PTGER3: variants seen among roughly 807,000 people sequenced by gnomAD.
PTGER3 encodes the protein prostaglandin E2 receptor EP3 subtype.
PTGER3 carries 22 observed loss-of-function variants against 34.7 expected under a neutral mutation model. That is an observed-to-expected ratio of 0.63 (90% confidence interval 0.45 to 0.91). The LOEUF is 0.91. Among genes scored for constraint, PTGER3 ranks in the 40% least tolerant of loss-of-function variants. The pLI, the probability that PTGER3 is intolerant of heterozygous loss-of-function variation, is 0.00. For synonymous variants in PTGER3, 241 were observed against 230.1 expected, an observed-to-expected ratio of 1.05 and a Z score of -0.43; for missense variants, 468 against 519.4, an observed-to-expected ratio of 0.90 and a Z score of 0.96.
chr1:71,023,817 C>T (rs1283174036), intron 1 of PTGER3, among the ~76,000 whole-genome samples: 1 of 151,482 alleles, frequency 6.6e-6, no homozygotes, highest in Non-Finnish European at 1.5e-5. Flanking sequence ...CTCCAACTAA[C>T]CTCTTATGGT....
rs1374232086 is a variant in PTGER3 at position 70,891,097 on chromosome 1, T to G, written c.*24-38238A>C. Among the ~76,000 whole-genome samples, 6 of 152,324 alleles carry G rather than the reference T, an allele frequency of 3.9e-5. No individual in the cohort carries two copies. In the East Asian group the frequency reaches 1.2e-3, roughly 29 times the overall value. Reference sequence around the variant, plus strand: ...TCACTCACTACCTGGCTGTATTAAGTGGCACTCCTTTGGATTTCAACTATA... The same window carrying G: ...TCACTCACTACCTGGCTGTATTAAGGGGCACTCCTTTGGATTTCAACTATA... On this transcript the variant is annotated intron_variant, in intron 4 of 4. Transcript: ENST00000370931.
intron 2 of PTGER3, among the ~76,000 whole-genome samples, chr1:70,956,728 G>C (rs1651374844): frequency 6.6e-6 from 1 of 152,160 alleles, no homozygotes; most frequent in Non-Finnish European, 1.5e-5. Context: ...AATATAGGCT[G>C]TGTGGTGGCT....
chr1:71,022,424 A>G (rs1025617904), intron 1 of PTGER3, among the ~76,000 whole-genome samples: 2 of 151,992 alleles, frequency 1.3e-5, no homozygotes, highest in Non-Finnish European at 2.9e-5. Flanking sequence ...CAATACAGAC[A>G]TGACATACAA....
At chr1:71,031,971 C>T (rs1262059753) in intron 1 of PTGER3, among the ~76,000 whole-genome samples, 2 of 152,128 alleles carry the variant, frequency 1.3e-5, no homozygotes, top group African/African-American at 4.8e-5. Flanking sequence ...AAGAAATTTG[C>T]TTTTGGATCC....
At chr1:70,936,211 T>C (rs12066813) in intron 4 of PTGER3, among the ~76,000 whole-genome samples, 44,083 of 151,970 alleles carry the variant, frequency 0.29, 7,375 homozygotes, top group African/African-American at 0.46. Context: ...CCTTGGGCTC[T>C]GGGCTAGGAT....
chr1:70,937,405 G>C (rs1649327083), intron 4 of PTGER3, among the ~76,000 whole-genome samples: 1 of 152,178 alleles, frequency 6.6e-6, no homozygotes. Flanking sequence ...TGTCCAGCCA[G>C]CTGTTGGATG....
intron 2 of PTGER3, chr1:71,007,311 A>C (rs1158793005): frequency 2.0e-6 from 2 of 985,690 alleles, no homozygotes; most frequent in Non-Finnish European, 2.4e-6. Context: ...ACAGGCTTAC[A>C]CTATTTGTAC....
chr1:70,940,217 C>A (rs192959157), intron 4 of PTGER3, among the ~76,000 whole-genome samples: 2 of 152,178 alleles, frequency 1.3e-5, no homozygotes, highest in South Asian at 2.1e-4. Flanking sequence ...TTCCCAACAA[C>A]TTCCTCACCT....
chr1:70,988,334 T>G (rs1655115290), intron 2 of PTGER3, among the ~76,000 whole-genome samples: 1 of 152,122 alleles, frequency 6.6e-6, no homozygotes. Flanking sequence ...GCCTTCCAAT[T>G]GCTTCCTAGC....
Position 70,970,965 on chromosome 1 carries a change from T to A in PTGER3, c.*765A>T. The A allele has an allele frequency of 1.0e-6, 1 of 985,428 alleles. No individual in the cohort carries two copies. Among genetic ancestry groups the A allele is most frequent in the Non-Finnish European group, 1.2e-6 (1 of 829,926 alleles). 61.0% of individuals were successfully genotyped at this position (985,428 alleles called of 1,614,324 possible). On this transcript the variant is annotated 3_prime_UTR_variant, in exon 4 of 4. Transcript: ENST00000306666. Reference sequence around the variant, plus strand: ...GTCATGGTGAATCAGAAGGCCTACCTGGATTTTTTTATCACTCTAACTGCG... The same window carrying A: ...GTCATGGTGAATCAGAAGGCCTACCAGGATTTTTTTATCACTCTAACTGCG...
chr1:70,879,539 C>A (rs922422729), intron 4 of PTGER3, among the ~76,000 whole-genome samples: 1 of 152,126 alleles, frequency 6.6e-6, no homozygotes, highest in South Asian at 2.1e-4. Context: ...TGAGCCACAA[C>A]GTCTAGCCTC....
intron 1 of PTGER3, among the ~76,000 whole-genome samples, chr1:71,023,434 G>A (rs1010150365): frequency 6.6e-5 from 10 of 151,756 alleles, no homozygotes; most frequent in African/African-American, 2.4e-4. Flanking sequence ...TTGTATCTTA[G>A]AGAGCCTCCT....
intron 4 of PTGER3, among the ~76,000 whole-genome samples, chr1:70,942,486 A>G (rs1156724290): frequency 6.6e-6 from 1 of 152,170 alleles, no homozygotes; most frequent in African/African-American, 2.4e-5. Flanking sequence ...CAGCATTACC[A>G]GACTATTTAA....
At chr1:71,028,869 T>C (rs1478964293) in intron 1 of PTGER3, among the ~76,000 whole-genome samples, 1 of 152,186 alleles carries the variant, frequency 6.6e-6, no homozygotes, top group Non-Finnish European at 1.5e-5. Flanking sequence ...AAATATGCAC[T>C]ATTATCTTAA....
chr1:70,898,451 A>G (rs1646769128), intron 4 of PTGER3, among the ~76,000 whole-genome samples: 1 of 152,152 alleles, frequency 6.6e-6, no homozygotes, highest in Non-Finnish European at 1.5e-5. Context: ...AGACTTCATT[A>G]TTCCTCATCT....
chr1:71,007,034 A>C, intron 2 of PTGER3: 1 of 985,402 alleles, frequency 1.0e-6, no homozygotes, highest in Non-Finnish European at 1.2e-6. Flanking sequence ...ACATACTAGA[A>C]GATATATTTA....
chr1:70,916,489 A>G (rs2100418397), intron 4 of PTGER3, among the ~76,000 whole-genome samples: 1 of 152,250 alleles, frequency 6.6e-6, no homozygotes, highest in African/African-American at 2.4e-5. Flanking sequence ...CTAGGTGCCC[A>G]TCAGTGGTGG....
chr1:70,982,638 CT>C (rs1256441433), intron 2 of PTGER3, among the ~76,000 whole-genome samples: 4 of 152,100 alleles, frequency 2.6e-5, no homozygotes, highest in African/African-American at 9.7e-5. Context: ...CACAAGTCTC[CT>C]GTCATGTTTC....
chr1:70,952,187 A>T (rs6662043), downstream of PTGER3, among the ~76,000 whole-genome samples: 1 of 152,052 alleles, frequency 6.6e-6, no homozygotes, highest in East Asian at 1.9e-4. Context: ...ATAGTAGAAG[A>T]TATATTTTGA....
Sources: gnomAD v4.1 joint callset for allele counts (sites outside exome capture counted in the v4.1 genomes callset) on GRCh38, gnomAD v4.1.1 for gene constraint, MANE v1.5 for transcripts, NCBI Gene and HGNC (gene_info 2026-07-23, HGNC 2026-07-21) for gene names.